Variants in ATP1A3 observed in about 807,000 individuals in gnomAD.
ATP1A3 encodes the protein sodium/potassium-transporting ATPase subunit alpha-3.
A neutral mutation model predicts 108.8 loss-of-function variants in ATP1A3; 12 were observed. The ratio of observed to expected loss-of-function variants is 0.11; its 90% confidence interval spans 0.07 to 0.18. The LOEUF is 0.18. ATP1A3 is among the 10% of genes least tolerant of loss of function. The probability of loss-of-function intolerance (pLI) is 1.00; values close to 1 mark genes in which losing one functional copy is unlikely to be tolerated. For missense variants in ATP1A3, 498 were observed against 1,387.7 expected (o/e 0.36, Z 10.19); for synonymous variants, 539 against 564.5 (o/e 0.95, Z 0.64).
In ATP1A3 at chr19:41,985,535, C is replaced by T; in HGVS notation, c.607-112G>A. ...TGTGCCTGGAGATCACAGCTAGAAGCCTGGGTGCCCAGTGGGTGAGTGGTG... is the reference window on the plus strand; with the variant it reads ...TGTGCCTGGAGATCACAGCTAGAAGTCTGGGTGCCCAGTGGGTGAGTGGTG... On this transcript the variant is annotated intron_variant, in intron 6 of 22. Transcript: ENST00000648268. This position sits in a 1 kb window ranked among gnomAD's most constrained non-coding sequence, Gnocchi z 8.2. The T allele has an allele frequency of 1.8e-6, 2 of 1,123,114 alleles. No homozygotes were observed. The highest frequency in any genetic ancestry group is 1.3e-5 in the South Asian group (1 of 75,242). 69.6% of individuals were successfully genotyped at this position (1,123,114 alleles called of 1,614,324 possible). A position where few individuals can be genotyped will look rare whatever the true frequency, so the allele number is the denominator to read the frequency against.
At chr19:41,986,300 A>G in intron 4 of ATP1A3, 71 bp from the exon 5 acceptor site, 1 of 1,481,828 alleles carries the variant, frequency 6.7e-7, no homozygotes, top group African/African-American at 1.4e-5. Flanking sequence ...GCTCGCCTGG[A>G]GTCTGGGAAG....
rs782626986 is a variant in ATP1A3, at chr19:41,976,503, G to A, written c.2007C>T (p.Asp669=). ...TCTCGGTGTGATTCTGCAGGATCTC[G>A]TCGATTTGCTCGGAGGTGAAGTCCT... The part of the protein sequence containing the change: ...DLKDFTSEQI[D]EILQNHTEIV... The change falls in exon 15 of 23, where the codon GAC becomes GAT. Residue 669 remains aspartate (D), a synonymous_variant. Transcript: ENST00000648268. 1.5e-5 allele frequency: 25 copies of A among 1,614,010 alleles called. No individual in the cohort carries two copies. The highest frequency in any genetic ancestry group is 3.3e-5 in the South Asian group (3 of 91,074).
chr19:41,986,755 T>A (rs2075291050), intron 4 of ATP1A3: 1 of 168,534 alleles, frequency 5.9e-6, no homozygotes, highest in Non-Finnish European at 1.3e-5. Context: ...TTTTTTTTTT[T>A]TTTTTGAGAC....
In ATP1A3 at chr19:41,966,811, G is replaced by T. The variant is rs1555858625; in HGVS notation, c.*126C>A. 1 of 1,537,528 alleles carries T rather than the reference G, an allele frequency of 6.5e-7. No individual in the cohort carries two copies. Among genetic ancestry groups the T allele is most frequent in the Non-Finnish European group, 8.8e-7 (1 of 1,137,750 alleles). Reference sequence around the variant, plus strand: ...GGCGGCAGGAGATAGTGGAGGGGGTGGGGGCCAAGGTGGGGCCACAGGAAG... The same window carrying T: ...GGCGGCAGGAGATAGTGGAGGGGGTTGGGGCCAAGGTGGGGCCACAGGAAG... On this transcript the variant is annotated 3_prime_UTR_variant, in exon 23 of 23. Coordinates refer to ENST00000648268, the MANE Select transcript of ATP1A3 (RefSeq NM_152296.5).
chr19:41,968,913 T>A lies in ATP1A3; in HGVS notation c.2691A>T (p.Thr897=), dbSNP rs1310293150. Residue 897 remains threonine (T), a splice_region_variant and synonymous_variant, in exon 20 of 23, where the codon ACA becomes ACT. Transcript: ENST00000648268. This position sits in a 1 kb window ranked among gnomAD's most constrained non-coding sequence, Gnocchi z 5.0. ...ACTCCACCACCTTCCTCTGCTCGTA[T>A]GTCTGCAGGAGCGGTGACCAGGGCA... is the stretch of plus-strand genomic sequence containing the variant. ...DLEDSYGQQW[T]YEQRKVVEFT... 1 of 1,613,866 alleles carries A rather than the reference T, an allele frequency of 6.2e-7. No homozygotes were observed. Among genetic ancestry groups the A allele is most frequent in the Admixed American group, 1.7e-5 (1 of 60,008 alleles).
rs782493144 is a variant in ATP1A3, at chr19:41,978,304, G to C, written c.1653C>G (p.Pro551=). 8 of 1,606,364 alleles carry C rather than the reference G, an allele frequency of 5.0e-6. No individual in the cohort carries two copies. In the Admixed American group the frequency reaches 8.6e-5, roughly 17 times the overall value. ...RVLGFCHYYL[P]EEQFPKGFAF... Reference sequence around the variant, plus strand: ...CAAAGCCCTTGGGGAACTGCTCCTCGGGCAGGTAATAATGGCAGAAACCTA... The same window carrying C: ...CAAAGCCCTTGGGGAACTGCTCCTCCGGCAGGTAATAATGGCAGAAACCTA... Residue 551 remains proline (P), a synonymous_variant, in exon 13 of 23, where the codon CCC becomes CCG. Coordinates refer to ENST00000648268, the MANE Select transcript of ATP1A3 (RefSeq NM_152296.5). The surrounding 1 kb of genome is among the most constrained non-coding windows in gnomAD (Gnocchi z 8.3).
intron 1 of ATP1A3, chr19:41,993,802 A>G (rs930094648): frequency 4.7e-6 from 3 of 642,446 alleles, no homozygotes; most frequent in Admixed American, 5.9e-5. Context: ...TGCACATGCA[A>G]CCGCACAAGG....
In ATP1A3 at chr19:41,993,804, C is replaced by G; in HGVS notation, c.6+267G>C. 11 of 645,334 alleles carry G rather than the reference C, an allele frequency of 1.7e-5. No homozygotes were observed. The South Asian group carries it at 2.2e-4, about 13-fold the overall frequency. The allele number at this position is 645,334 out of a possible 1,614,324, so 40.0% of individuals were successfully genotyped here. ...GCACATGCAACTGTGCACATGCAAC[C>G]GCACAAGGTCAGGCGGAGATGCTGA... is the stretch of plus-strand genomic sequence containing the variant. On this transcript the variant is annotated intron_variant, in intron 1 of 22. Coordinates refer to ENST00000648268, the MANE Select transcript of ATP1A3 (RefSeq NM_152296.5).
Position 41,978,891 on chromosome 19 carries a change from C to A in ATP1A3, c.1438-93G>T. 7.7e-7 allele frequency: 1 copy of A among 1,305,052 alleles called. No individual in the cohort carries two copies. The allele number at this position is 1,305,052 out of a possible 1,614,324, so 80.8% of individuals were successfully genotyped here. ...GTCCCCTGTCCAGAGCCACGGGTGC[C>A]AGGATAGGCCCACACCAGGGCTCCC... is the stretch of plus-strand genomic sequence containing the variant. On this transcript the variant is annotated intron_variant, in intron 11 of 22. Transcript: ENST00000648268. This position sits in a 1 kb window ranked among gnomAD's most constrained non-coding sequence, Gnocchi z 8.3.
intron 1 of ATP1A3, chr19:41,993,019 C>T (rs1568869865): frequency 1.4e-5 from 2 of 146,944 alleles, no homozygotes; most frequent in East Asian, 4.2e-4. Flanking sequence ...CCCACCCTGC[C>T]CCACCCCACA....
At chr19:41,969,384 C>A (rs1418358399) in intron 19 of ATP1A3, 51 bp downstream of exon 19, 1 of 1,613,588 alleles carries the variant, frequency 6.2e-7, no homozygotes, top group East Asian at 2.2e-5. Flanking sequence ...TGGAACAGCT[C>A]ACCCCGGGGA....
Position 41,987,972 on chromosome 19 carries a change from G to A in ATP1A3, c.321C>T (p.Ile107=). The A allele has an allele frequency of 6.2e-7, 1 of 1,614,090 alleles. No individual in the cohort carries two copies. The highest frequency in any genetic ancestry group is 8.5e-7 in the Non-Finnish European group (1 of 1,180,028). The change falls in exon 4 of 23, where the codon ATC becomes ATT. Residue 107 remains isoleucine, a synonymous_variant. Transcript: ENST00000648268. ...AGGGGTCGTCCTCGGTGCCCGCCTG[G>A]ATACCGTAGGCCAGGAAGCAGAGGA... ...GAILCFLAYG[I]QAGTEDDPSG...
intron 22 of ATP1A3, 21 bp from the exon 23 acceptor site, chr19:41,966,986 A>G (rs1426043861): frequency 6.4e-7 from 1 of 1,551,502 alleles, no homozygotes; most frequent in East Asian, 2.4e-5. Flanking sequence ...AAAGAAGGAA[A>G]GAAAGAGACA....
Position 41,985,770 on chromosome 19 carries a change from G to A in ATP1A3, c.606+94C>T. 4 of 1,564,228 alleles carry A rather than the reference G, an allele frequency of 2.6e-6. No homozygotes were observed. The South Asian group carries it at 3.5e-5, about 14-fold the overall frequency. ...CTGGGTCTGAGGGAGGAGGGGTTGG[G>A]ACCTGGACTCCTGAGTGTGAGGGAG... On this transcript the variant is annotated intron_variant, in intron 6 of 22. Transcript: ENST00000648268. The surrounding 1 kb of genome is among the most constrained non-coding windows in gnomAD (Gnocchi z 8.2).
At chr19:41,984,617 G>A in intron 8 of ATP1A3, 1 of 384,156 alleles carries the variant, frequency 2.6e-6, no homozygotes, top group Non-Finnish European at 4.8e-6. Context: ...GCTCTTTACG[G>A]CTTGCCAGTG....
At position 41,967,529 on chromosome 19, in the gene ATP1A3, G is replaced by T. The variant is rs1421320839; in HGVS notation, c.2921+133C>A. 8.4e-5 allele frequency: 100 copies of T among 1,186,528 alleles called. 1 individual carries two copies. In the East Asian group the frequency reaches 2.4e-3, roughly 29 times the overall value. The allele number at this position is 1,186,528 out of a possible 1,614,324, so 73.5% of individuals were successfully genotyped here. ...GTGGTGGGAGCAGCCTATGGGGGAG[G>T]CTCGGGGGCATCAGAATGGGGACTG... On this transcript the variant is annotated intron_variant, in intron 21 of 22. Coordinates refer to ENST00000648268, the MANE Select transcript of ATP1A3 (RefSeq NM_152296.5). The surrounding 1 kb of genome is among the most constrained non-coding windows in gnomAD (Gnocchi z 4.2).
intron 16 of ATP1A3, among the ~76,000 whole-genome samples, chr19:41,974,782 A>C (rs1555860597): frequency 1.3e-5 from 2 of 152,142 alleles, no homozygotes; most frequent in East Asian, 3.9e-4. Context: ...ATGTGAACCA[A>C]CCCTTCTGTG....
intron 1 of ATP1A3, chr19:41,993,541 A>G (rs2075360264): frequency 8.9e-7 from 1 of 1,118,286 alleles, no homozygotes; most frequent in East Asian, 2.9e-5. Context: ...ACACACACAC[A>G]CACACACACT....
In ATP1A3 at chr19:41,981,003, T is replaced by C. The variant is rs1371293772; in HGVS notation, c.1437+499A>G. Among the ~76,000 whole-genome samples, 1 of 150,402 alleles carries C rather than the reference T, an allele frequency of 6.6e-6. No homozygotes were observed. The highest frequency in any genetic ancestry group is 2.4e-5 in the African/African-American group (1 of 41,088). ...CCCACTCTCTGCTGTAGGAAAACTT[T>C]TTTTTTTTTTTTGAGTCAGGGTCTT... On this transcript the variant is annotated intron_variant, in intron 11 of 22. Coordinates refer to ENST00000648268, the MANE Select transcript of ATP1A3 (RefSeq NM_152296.5). The surrounding 1 kb of genome is among the most constrained non-coding windows in gnomAD (Gnocchi z 5.0).
Sources: gnomAD v4.1 joint callset for allele counts (sites outside exome capture counted in the v4.1 genomes callset) on GRCh38, gnomAD v4.1.1 for gene constraint, Gnocchi (gnomAD v3.1) non-coding constraint, MANE v1.5 for transcripts, NCBI Gene and HGNC (gene_info 2026-07-23, HGNC 2026-07-21) for gene names.